TCF4: variants seen among roughly 807,000 people sequenced by gnomAD.
TCF4 encodes the protein transcription factor 4, also known as SL3-3 enhancer factor 2.
A neutral mutation model predicts 82.1 loss-of-function variants in TCF4; 3 were observed. The ratio of observed to expected loss-of-function variants is 0.04; its 90% CI spans 0.02 to 0.09. The LOEUF (loss-of-function observed/expected upper bound fraction) is 0.09. TCF4 is among the 10% of genes least tolerant of loss of function. The probability of loss-of-function intolerance (pLI) is 1.00; values close to 1 mark genes in which losing one functional copy is unlikely to be tolerated. For synonymous variants in TCF4, 276 were observed against 309.6 expected (o/e 0.89, Z 1.14); for missense variants, 518 against 852.7 (o/e 0.61, Z 4.89).
intron 11 of TCF4, chr18:55,267,108 C>T (rs2059355991): frequency 6.6e-6 from 1 of 152,172 alleles, no homozygotes; most frequent in Admixed American, 6.6e-5. Flanking sequence ...AATGTGATGT[C>T]CATGTGTTAG....
chr18:55,515,161 G>C (rs2096869140), intron 3 of TCF4, among the ~76,000 whole-genome samples: 4 of 152,104 alleles, frequency 2.6e-5, no homozygotes, highest in African/African-American at 9.7e-5. Flanking sequence ...TAAAGATGGA[G>C]AAACAAAGTT....
At chr18:55,315,667 A>G (rs1468497494) in intron 8 of TCF4, among the ~76,000 whole-genome samples, 1 of 152,174 alleles carries the variant, frequency 6.6e-6, no homozygotes, top group East Asian at 1.9e-4. Flanking sequence ...CATGGTATCT[A>G]TATACCTAAA....
intron 6 of TCF4, among the ~76,000 whole-genome samples, chr18:55,365,727 C>A (rs931854073): frequency 1.3e-5 from 2 of 151,974 alleles, no homozygotes; most frequent in African/African-American, 4.8e-5. Context: ...TAGTGAAACC[C>A]CATCTCTACT....
chr18:55,486,100 T>C (rs1440472430), intron 3 of TCF4, among the ~76,000 whole-genome samples: 1 of 152,214 alleles, frequency 6.6e-6, no homozygotes, highest in Non-Finnish European at 1.5e-5. Flanking sequence ...TTTCTGTTTG[T>C]ACCTCTTCAA....
chr18:55,227,151 CATCAGG>C lies in TCF4; in HGVS notation c.*878_*883del, dbSNP rs2144329795. ...CTACTTATTTATGAATGAGAAGCAA[CATCAGG>C]GTCAGCATTTCATCCTGCACTACCC... On this transcript the variant is annotated 3_prime_UTR_variant, in exon 20 of 20. Coordinates refer to ENST00000354452, the MANE Select transcript of TCF4 (RefSeq NM_001083962.2). 1 of 151,812 alleles carries C rather than the reference CATCAGG, an allele frequency of 6.6e-6. No homozygotes were observed. Among genetic ancestry groups the C allele is most frequent in the East Asian group, 1.9e-4 (1 of 5,156 alleles). 9.4% of individuals were successfully genotyped at this position (151,812 alleles called of 1,614,324 possible).
intron 3 of TCF4, among the ~76,000 whole-genome samples, chr18:55,566,150 A>T (rs889635995): frequency 6.6e-6 from 1 of 152,002 alleles, no homozygotes; most frequent in Non-Finnish European, 1.5e-5. Flanking sequence ...GAGGCGGAGC[A>T]TGCAGTGAGC....
intron 5 of TCF4, among the ~76,000 whole-genome samples, chr18:55,426,314 C>G (rs1183573782): frequency 6.6e-6 from 1 of 152,056 alleles, no homozygotes; most frequent in Admixed American, 6.5e-5. Context: ...ACAGATCATC[C>G]AAAACTGAGG....
intron 8 of TCF4, among the ~76,000 whole-genome samples, chr18:55,304,976 G>T (rs2069736340): frequency 6.6e-6 from 1 of 152,084 alleles, no homozygotes; most frequent in Admixed American, 6.5e-5. Flanking sequence ...AGCAAAGGAA[G>T]CATGGTGACA....
At chr18:55,264,209 G>A (rs1003494623) in intron 11 of TCF4, among the ~76,000 whole-genome samples, 8 of 152,096 alleles carry the variant, frequency 5.3e-5, no homozygotes, top group African/African-American at 1.2e-4. Flanking sequence ...TATGACTCAG[G>A]AAATAGAATT....
rs77203000 is a variant in TCF4, at chr18:55,469,013, G to A, written c.146-4876C>T. ...AATTCCTGTTCCAAAAGACTGAAAT[G>A]GGCTCAGTTCAAGATTTTTCTAATT... On this transcript the variant is annotated intron_variant, in intron 3 of 19. Coordinates refer to ENST00000354452, the MANE Select transcript of TCF4 (RefSeq NM_001083962.2). Among the ~76,000 whole-genome samples the A allele has an allele frequency of 1.1e-3, 163 of 152,100 alleles. 1 individual carries two copies. In the East Asian group the frequency reaches 0.027, roughly 25 times the overall value.
upstream of TCF4, among the ~76,000 whole-genome samples, chr18:55,592,496 T>C (rs2097686652): frequency 6.6e-6 from 1 of 152,162 alleles, no homozygotes; most frequent in Admixed American, 6.5e-5. Context: ...CCCTTCATGA[T>C]CTCAGCTAAC....
chr18:55,386,371 A>G (rs1225107874), intron 6 of TCF4, among the ~76,000 whole-genome samples: 1 of 152,140 alleles, frequency 6.6e-6, no homozygotes, highest in Non-Finnish European at 1.5e-5. Flanking sequence ...ATTCTTTACC[A>G]CCATTCCAGC....
At position 55,229,041 on chromosome 18, in the gene TCF4, T is replaced by G. The variant is rs1314683907; in HGVS notation, c.1685A>C (p.Lys562Thr). The G allele has an allele frequency of 6.2e-7, 1 of 1,614,078 alleles. No individual in the cohort carries two copies. Among genetic ancestry groups the G allele is most frequent in the Non-Finnish European group, 8.5e-7 (1 of 1,180,044 alleles). The part of the protein sequence containing the change: ...NDDEDLTPEQ[K>T]AEREKERRMA... ...CCTCCGCTCCTTCTCACGCTCTGCC[T>G]TCTGCTCTGGTGTCAGGTCCTCATC... Residue 562 changes from lysine to threonine, a missense_variant, in exon 18 of 20, where the codon AAG becomes ACG. Coordinates refer to ENST00000354452, the MANE Select transcript of TCF4 (RefSeq NM_001083962.2).
intron 17 of TCF4, chr18:55,230,649 G>A (rs1199083246): frequency 2.6e-5 from 4 of 152,164 alleles, no homozygotes; most frequent in African/African-American, 9.7e-5. Flanking sequence ...ACAGAATAAA[G>A]ATGATTAATC....
At chr18:55,465,267 T>C (rs1486179342) in intron 3 of TCF4, among the ~76,000 whole-genome samples, 1 of 152,220 alleles carries the variant, frequency 6.6e-6, no homozygotes, top group Non-Finnish European at 1.5e-5. Flanking sequence ...TCATTCCTTT[T>C]ATTATTACTG....
intron 8 of TCF4, among the ~76,000 whole-genome samples, chr18:55,318,273 G>C (rs1836302062): frequency 6.6e-6 from 1 of 151,950 alleles, no homozygotes; most frequent in South Asian, 2.1e-4. Context: ...TCAAAATTTA[G>C]AGCTAGAACT....
chr18:55,388,345 T>C (rs1049208049), intron 6 of TCF4, among the ~76,000 whole-genome samples: 1 of 152,178 alleles, frequency 6.6e-6, no homozygotes, highest in Non-Finnish European at 1.5e-5. Flanking sequence ...AGGAGGACCA[T>C]GGTCCTTTTC....
chr18:55,619,595 G>A (rs549917042), intron 2 of TCF4, among the ~76,000 whole-genome samples: 46 of 151,980 alleles, frequency 3.0e-4, no homozygotes, highest in Non-Finnish European at 4.3e-4. Context: ...CTATGTCTTT[G>A]CCTAACTTTT....
At chr18:55,262,986 AG>A (rs1308721193) in intron 11 of TCF4, among the ~76,000 whole-genome samples, 1 of 152,068 alleles carries the variant, frequency 6.6e-6, no homozygotes, top group Admixed American at 6.6e-5. Context: ...TCGTATTTTT[AG>A]TAGAGACAGG....
Sources: gnomAD v4.1 joint callset for allele counts (sites outside exome capture counted in the v4.1 genomes callset) on GRCh38, gnomAD v4.1.1 for gene constraint, MANE v1.5 for transcripts, NCBI Gene and HGNC (gene_info 2026-07-23, HGNC 2026-07-21) for gene names.